The following ENPP1 variants were observed in gnomAD, a reference collection of about 807,000 sequenced individuals.
ENPP1 encodes the protein ectonucleotide pyrophosphatase/phosphodiesterase family member 1.
Under a neutral mutation model 122.8 loss-of-function variants are expected in ENPP1, and 73 were observed. The ratio of observed to expected loss-of-function variants is 0.59; its 90% CI spans 0.49 to 0.72. The LOEUF (loss-of-function observed/expected upper bound fraction) is 0.72, where lower values mean the gene tolerates loss of function less well. Among genes scored for constraint, ENPP1 ranks in the 30% least tolerant of loss-of-function variants. The pLI is 0.00. For synonymous variants in ENPP1, 367 were observed against 391.6 expected (o/e 0.94, Z 0.74); for missense variants, 978 against 1,128.1 (o/e 0.87, Z 1.91).
intron 1 of ENPP1, 79 bp from the exon 2 acceptor site, chr6:131,847,697 C>G (rs750741300): frequency 7.0e-5 from 70 of 1,006,430 alleles, no homozygotes; most frequent in Non-Finnish European, 1.0e-4. Context: ...CAGAGTAAGA[C>G]ACTATCTCTA....
chr6:131,808,425 A>G, intron 1 of ENPP1, 150 bp downstream of exon 1: 1 of 1,061,580 alleles, frequency 9.4e-7, no homozygotes, highest in South Asian at 2.7e-5. Context: ...TCTCCTCCGC[A>G]GCCTTTGCAA....
chr6:131,839,314 C>T (rs867079404), intron 1 of ENPP1, among the ~76,000 whole-genome samples: 1 of 151,544 alleles, frequency 6.6e-6, no homozygotes, highest in Admixed American at 6.6e-5. Context: ...TCCCCTTTAC[C>T]ATTCTGTGTT....
At chr6:131,853,608 A>C (rs934822950) in intron 5 of ENPP1, among the ~76,000 whole-genome samples, 1 of 152,226 alleles carries the variant, frequency 6.6e-6, no homozygotes, top group South Asian at 2.1e-4. Flanking sequence ...GCTATGTTAC[A>C]GATAGTAGCT....
Position 131,860,361 on chromosome 6 carries a change from C to A in ENPP1, c.796-26C>A, listed in dbSNP as rs748967205. ...TTTAACATTAAGTAAACACAACTTG[C>A]ATATAATCTGTTTTATCTTTTTTAG... On this transcript the variant is annotated intron_variant, in intron 7 of 24. Transcript: ENST00000647893. 1.9e-6 allele frequency: 3 copies of A among 1,562,414 alleles called. No individual in the cohort carries two copies. In the African/African-American group the frequency reaches 4.1e-5, roughly 21 times the overall value.
At chr6:131,869,681 C>G (rs1240275265) in intron 13 of ENPP1, among the ~76,000 whole-genome samples, 192 bp downstream of exon 13, 1 of 151,568 alleles carries the variant, frequency 6.6e-6, no homozygotes, top group Non-Finnish European at 1.5e-5. Context: ...CGATACTATA[C>G]TATATCTATA....
At chr6:131,842,385 A>T (rs1781752717) in intron 1 of ENPP1, among the ~76,000 whole-genome samples, 1 of 152,160 alleles carries the variant, frequency 6.6e-6, no homozygotes, top group Non-Finnish European at 1.5e-5. Flanking sequence ...GTTGCTTCTA[A>T]CTATGTCATA....
At chr6:131,877,242 A>G (rs1562183067) in intron 18 of ENPP1, 81 bp downstream of exon 18, 3 of 1,369,596 alleles carry the variant, frequency 2.2e-6, no homozygotes, top group East Asian at 2.4e-5. Context: ...AAAATACTTA[A>G]TAATCAAATT....
At chr6:131,860,635 A>G (rs1782009995) in intron 8 of ENPP1, 129 bp downstream of exon 8, 1 of 691,306 alleles carries the variant, frequency 1.4e-6, no homozygotes, top group African/African-American at 1.8e-5. Context: ...ATTCTTTTGT[A>G]AATGGAGATG....
intron 2 of ENPP1, among the ~76,000 whole-genome samples, chr6:131,849,037 CCTTTTTTT>C (rs1450509207): frequency 2.6e-5 from 4 of 151,990 alleles, no homozygotes; most frequent in African/African-American, 9.6e-5. Context: ...TCCATGTGTT[CCTTTTTTT>C]CTTTTTTTCT....
intron 1 of ENPP1, among the ~76,000 whole-genome samples, chr6:131,809,812 G>A (rs1781325874): frequency 6.6e-6 from 1 of 152,146 alleles, no homozygotes; most frequent in African/African-American, 2.4e-5. Context: ...ATCCACAACA[G>A]ATATCAGCAA....
intron 1 of ENPP1, among the ~76,000 whole-genome samples, chr6:131,843,540 A>G (rs929248745): frequency 2.6e-5 from 4 of 151,850 alleles, no homozygotes; most frequent in African/African-American, 9.7e-5. Flanking sequence ...TAGTTCTTCT[A>G]CTCATATACT....
At chr6:131,884,216 AG>A (rs1457624797) in intron 22 of ENPP1, among the ~76,000 whole-genome samples, 3 of 152,242 alleles carry the variant, frequency 2.0e-5, no homozygotes, top group Admixed American at 2.0e-4. Flanking sequence ...TCAAAATATA[AG>A]CATATAAGGA....
chr6:131,878,621 G>A, intron 19 of ENPP1, 28 bp downstream of exon 19: 5 of 1,573,936 alleles, frequency 3.2e-6, no homozygotes, highest in Non-Finnish European at 3.5e-6. Flanking sequence ...CTCAAGCTCG[G>A]AATGTGAAGC....
chr6:131,885,194 C>T lies in ENPP1; in HGVS notation c.2444+131C>T. 6.5e-6 allele frequency: 5 copies of T among 769,032 alleles called. No individual in the cohort carries two copies. In the South Asian group the frequency reaches 7.9e-5, roughly 12 times the overall value. The allele number at this position is 769,032 out of a possible 1,614,324, so 47.6% of individuals were successfully genotyped here. ...TTTATGTGTATGACACTTCTGACTA[C>T]ACAGGAAGCCTCTTGAAATATCTGA... On this transcript the variant is annotated intron_variant, in intron 23 of 24. Coordinates refer to ENST00000647893, the MANE Select transcript of ENPP1 (RefSeq NM_006208.3).
intron 18 of ENPP1, 156 bp downstream of exon 18, chr6:131,877,317 G>A: frequency 1.4e-6 from 1 of 733,394 alleles, no homozygotes; most frequent in Non-Finnish European, 2.3e-6. Context: ...TAGATCTTTT[G>A]TGATATATCT....
intron 1 of ENPP1, among the ~76,000 whole-genome samples, chr6:131,813,545 A>G (rs1431435365): frequency 1.3e-5 from 2 of 149,750 alleles, no homozygotes; most frequent in Non-Finnish European, 3.0e-5. Flanking sequence ...AAAAAAAGGG[A>G]TGTTGTAAGT....
intron 20 of ENPP1, among the ~76,000 whole-genome samples, chr6:131,881,719 TA>T (rs1334182691): frequency 6.6e-6 from 1 of 151,910 alleles, no homozygotes; most frequent in Non-Finnish European, 1.5e-5. Flanking sequence ...CTGTCTCTAC[TA>T]AAAATACAAA....
intron 24 of ENPP1, among the ~76,000 whole-genome samples, chr6:131,888,235 C>CTTTTTTTTTT (rs58493790): frequency 1.4e-5 from 2 of 139,484 alleles, no homozygotes; most frequent in African/African-American, 2.7e-5. Flanking sequence ...CCTACATTTC[C>CTTTTTTTTTT]TTTTTTTTTT....
chr6:131,827,320 A>C (rs535493163), intron 1 of ENPP1: 2 of 1,330,156 alleles, frequency 1.5e-6, no homozygotes, highest in East Asian at 4.6e-5. Context: ...TGAAGGATGA[A>C]GGCAAAGTCA....
Sources: gnomAD v4.1 joint callset for allele counts (sites outside exome capture counted in the v4.1 genomes callset) on GRCh38, gnomAD v4.1.1 for gene constraint, MANE v1.5 for transcripts, NCBI Gene and HGNC (gene_info 2026-07-23, HGNC 2026-07-21) for gene names.